SLC30A10: variants seen among roughly 807,000 people sequenced by gnomAD.
SLC30A10 encodes solute carrier family 30 member 10.
SLC30A10 carries 8 observed loss-of-function variants against 21.7 expected under a neutral mutation model. That is an observed-to-expected ratio of 0.37 (90% CI 0.22 to 0.67). SLC30A10 has a LOEUF of 0.67. Among genes scored for constraint, SLC30A10 ranks in the 30% least tolerant of loss-of-function variants. The pLI, the probability that SLC30A10 is intolerant of heterozygous loss-of-function variation, is 0.58. For missense variants in SLC30A10, 521 were observed against 642.5 expected (o/e 0.81, Z 2.04); for synonymous variants, 272 against 279.4 (o/e 0.97, Z 0.26).
rs772546603 is a variant in SLC30A10 at position 219,927,926 on chromosome 1, C to T, written c.515G>A (p.Gly172Asp). The T allele has an allele frequency of 2.0e-6, 3 of 1,537,996 alleles. No individual in the cohort carries two copies. The highest frequency in any genetic ancestry group is 1.8e-6 in the Non-Finnish European group (2 of 1,142,042). ...CVPGAFGGPQ[G>D]AEDPRRAADP... The stretch of plus-strand genomic sequence containing the variant: ...CGCCGCGCGCCGCGGGTCCTCCGCG[C>T]CCTGAGGCCCCCCGAAAGCGCCGGG... The change falls in exon 1 of 4, where the codon GGC becomes GAC. Residue 172 changes from glycine to aspartate, a missense_variant. By Grantham distance (94) the Gly-to-Asp change is moderately conservative. Transcript: ENST00000366926.
chr1:219,942,952 C>T (rs1660139762), intron 1 of SLC30A10, among the ~76,000 whole-genome samples: 1 of 151,988 alleles, frequency 6.6e-6, no homozygotes, highest in African/African-American at 2.4e-5. Context: ...TGCTGAGGCA[C>T]AAGGATCACT....
chr1:219,933,071 A>AT (rs1659992395), upstream of SLC30A10, among the ~76,000 whole-genome samples: 6 of 152,014 alleles, frequency 3.9e-5, no homozygotes, highest in South Asian at 1.2e-3. Flanking sequence ...AAAAAAAAAA[A>AT]AAGAAGAAAG....
At chr1:219,938,268 A>G (rs1249568436) in intron 1 of SLC30A10, among the ~76,000 whole-genome samples, 1 of 152,160 alleles carries the variant, frequency 6.6e-6, no homozygotes, top group African/African-American at 2.4e-5. Context: ...GGAGCTGCCC[A>G]GTGCAGTTTT....
rs554001591 is a variant in SLC30A10, at chr1:219,950,067, C to T, written n.80+8501G>A. 1.3e-4 allele frequency among the ~76,000 whole-genome samples: 20 copies of T among 152,288 alleles called. No homozygotes were observed. The East Asian group carries it at 3.7e-3, about 28-fold the overall frequency. ...GGAAAATATTCAAGAGGCAAACTAT[C>T]TGTTGACAGAAGAGAGGTGCAGTAA... On this transcript the variant is annotated intron_variant and non_coding_transcript_variant, in intron 1 of 8. Transcript: ENST00000484239.
chr1:219,919,500 G>A (rs571686483), intron 2 of SLC30A10, among the ~76,000 whole-genome samples: 16 of 152,230 alleles, frequency 1.1e-4, no homozygotes, highest in African/African-American at 3.9e-4. Context: ...GTGAGTCTGG[G>A]CGTGGTGGCT....
intron 1 of SLC30A10, among the ~76,000 whole-genome samples, chr1:219,949,308 G>A (rs1443464416): frequency 7.9e-5 from 12 of 151,742 alleles, no homozygotes; most frequent in African/African-American, 2.2e-4. Context: ...ACATGCACAC[G>A]TATGTTTATT....
At chr1:219,930,049 T>C (rs1229034455), upstream of SLC30A10, among the ~76,000 whole-genome samples, 1 of 152,122 alleles carries the variant, frequency 6.6e-6, no homozygotes, top group Non-Finnish European at 1.5e-5. Context: ...TGCAGTCTGG[T>C]CATCTCTATT....
upstream of SLC30A10, among the ~76,000 whole-genome samples, chr1:219,930,821 G>T (rs1659960191): frequency 6.6e-6 from 1 of 152,188 alleles, no homozygotes; most frequent in South Asian, 2.1e-4. Context: ...GTATAGGGAA[G>T]ATTAAATGAG....
chr1:219,937,448 C>T (rs1278930997), intron 1 of SLC30A10, among the ~76,000 whole-genome samples: 1 of 152,218 alleles, frequency 6.6e-6, no homozygotes, highest in Non-Finnish European at 1.5e-5. Flanking sequence ...TCAGGAAACA[C>T]CTAGTGTGTA....
At chr1:219,930,775 G>T (rs79317677), upstream of SLC30A10, among the ~76,000 whole-genome samples, 5 of 152,114 alleles carry the variant, frequency 3.3e-5, no homozygotes, top group Non-Finnish European at 7.4e-5. Context: ...TATAGACTAC[G>T]GTATTTTTCA....
chr1:219,918,111 A>G lies in SLC30A10; in HGVS notation c.958+144T>C, dbSNP rs1659589749. On this transcript the variant is annotated intron_variant, in intron 3 of 3. Coordinates refer to ENST00000366926, the MANE Select transcript of SLC30A10 (RefSeq NM_018713.3). This position sits in a 1 kb window ranked among gnomAD's most constrained non-coding sequence, Gnocchi z 4.4. ...GCTGAGTCATCTTAATAGGCTATAAAACATATGATGACATCTCTACCACCT... is the reference window on the plus strand; with the variant it reads ...GCTGAGTCATCTTAATAGGCTATAAGACATATGATGACATCTCTACCACCT... 1 of 1,119,622 alleles carries G rather than the reference A, an allele frequency of 8.9e-7. No individual in the cohort carries two copies. The highest frequency in any genetic ancestry group is 1.3e-6 in the Non-Finnish European group (1 of 781,726). 69.4% of individuals were successfully genotyped at this position (1,119,622 alleles called of 1,614,324 possible). A position where few individuals can be genotyped will look rare whatever the true frequency, so the allele number is the denominator to read the frequency against.
In SLC30A10 at chr1:219,914,524, G is replaced by T. The variant is rs1428283197; in HGVS notation, c.*925C>A. 6.6e-6 allele frequency: 1 copy of T among 152,176 alleles called. No homozygotes were observed. Among genetic ancestry groups the T allele is most frequent in the African/African-American group, 2.4e-5 (1 of 41,460 alleles). 9.4% of individuals were successfully genotyped at this position (152,176 alleles called of 1,614,324 possible). On this transcript the variant is annotated 3_prime_UTR_variant, in exon 4 of 4. Coordinates refer to ENST00000366926, the MANE Select transcript of SLC30A10 (RefSeq NM_018713.3). The stretch of plus-strand genomic sequence containing the variant: ...CACAAGAATTAACACTCAGTGTTAT[G>T]CATTCTGCTATCCCAGGAATACTCT...
intron 1 of SLC30A10, among the ~76,000 whole-genome samples, chr1:219,951,988 T>C (rs1660279069): frequency 6.6e-6 from 1 of 152,152 alleles, no homozygotes; most frequent in African/African-American, 2.4e-5. Flanking sequence ...AACACATGTT[T>C]TGTACGGTTT....
rs764095188 is a variant in SLC30A10 at position 219,918,438 on chromosome 1, C to T, written c.775G>A (p.Ala259Thr). The change falls in exon 3 of 4, where the codon GCC becomes ACC. Residue 259 changes from alanine to threonine, a missense_variant. By Grantham distance (58) the Ala-to-Thr change is moderately conservative. Transcript: ENST00000366926. The surrounding 1 kb of genome is among the most constrained non-coding windows in gnomAD (Gnocchi z 4.4). The part of the protein sequence containing the change: ...ALGSVVVVIT[A>T]IIFYVLPLKS... The stretch of plus-strand genomic sequence containing the variant: ...AGGGGAAGCACATAGAATATGATGG[C>T]CGTGATGACCACAACCACGGACCCC... The T allele has an allele frequency of 6.2e-7, 1 of 1,613,416 alleles. No individual in the cohort carries two copies. The highest frequency in any genetic ancestry group is 1.3e-5 in the African/African-American group (1 of 74,852).
At chr1:219,927,367 C>T (rs972943590) in intron 1 of SLC30A10, among the ~76,000 whole-genome samples, 2 of 152,026 alleles carry the variant, frequency 1.3e-5, no homozygotes, top group Middle Eastern at 3.4e-3. Flanking sequence ...AAACCCGTAA[C>T]ACCCAAGAAG....
chr1:219,932,769 T>C (rs905313240), upstream of SLC30A10, among the ~76,000 whole-genome samples: 3 of 131,412 alleles, frequency 2.3e-5, no homozygotes, highest in African/African-American at 8.3e-5. Flanking sequence ...AGATTAAAAA[T>C]GAGGTAGTGA....
chr1:219,927,451 G>A lies in SLC30A10; in HGVS notation c.641-346C>T, dbSNP rs188912156. ...AAGTAATGAGAGGGAGGAGGGGTTG[G>A]AGAGTCCTGCCTGTTGCCCAATAAT... On this transcript the variant is annotated intron_variant, in intron 1 of 3. Transcript: ENST00000366926. Among the ~76,000 whole-genome samples the A allele has an allele frequency of 1.1e-3, 170 of 151,926 alleles. 1 individual carries two copies. The Middle Eastern group carries it at 0.024, about 21-fold the overall frequency.
upstream of SLC30A10, among the ~76,000 whole-genome samples, chr1:219,932,383 AC>A (rs1194283390): frequency 2.0e-5 from 3 of 152,216 alleles, no homozygotes; most frequent in Admixed American, 2.0e-4. Flanking sequence ...AGATTATGAC[AC>A]TAAAAATTAT....
intron 2 of SLC30A10, 145 bp downstream of exon 2, chr1:219,926,883 G>A (rs552004694): frequency 2.9e-5 from 18 of 631,468 alleles, no homozygotes; most frequent in East Asian, 2.4e-4. Flanking sequence ...CAGTGATTAC[G>A]AAAGAGAGTT....
Sources: gnomAD v4.1 joint callset for allele counts (sites outside exome capture counted in the v4.1 genomes callset) on GRCh38, gnomAD v4.1.1 for gene constraint, Gnocchi (gnomAD v3.1) non-coding constraint, MANE v1.5 for transcripts, NCBI Gene and HGNC (gene_info 2026-07-23, HGNC 2026-07-21) for gene names.